DDC: variants seen among roughly 807,000 people sequenced by gnomAD.
The protein encoded by DDC is dopa decarboxylase.
DDC carries 43 observed loss-of-function variants against 60.0 expected under a neutral mutation model. That is an observed-to-expected ratio of 0.72 (90% confidence interval 0.56 to 0.92). DDC has a LOEUF of 0.92. Among genes scored for constraint, DDC ranks in the 40% least tolerant of loss-of-function variants. The pLI is 0.00. For missense variants in DDC, 573 were observed against 620.2 expected, an observed-to-expected ratio of 0.92 and a Z score of 0.81; for synonymous variants, 232 against 234.6, an observed-to-expected ratio of 0.99 and a Z score of 0.10.
chr7:50,487,415 C>T (rs560539468), intron 9 of DDC, among the ~76,000 whole-genome samples: 16 of 152,106 alleles, frequency 1.1e-4, no homozygotes, highest in South Asian at 6.2e-4. Flanking sequence ...TTATAAAACA[C>T]GCGAGGATGT....
Position 50,499,195 on chromosome 7 carries a change from T to C in DDC, c.829A>G (p.Ser277Gly), listed in dbSNP as rs1362729452. The C allele has an allele frequency of 6.2e-7, 1 of 1,614,046 alleles. No homozygotes were observed. The highest frequency in any genetic ancestry group is 8.5e-7 in the Non-Finnish European group (1 of 1,180,004). The part of the protein sequence containing the change: ...WLHVDAAYAG[S>G]AFICPEFRHL... ...CGGAACTCAGGGCAGATGAATGCAC[T>C]GCCTGCGTAGGCTGCATCAACGTGC... The change falls in exon 8 of 15, where the codon AGT (serine) becomes GGT (glycine). Residue 277 changes from serine (S) to glycine (G), a missense_variant. Coordinates refer to ENST00000444124, the MANE Select transcript of DDC (RefSeq NM_001082971.2).
intron 9 of DDC, among the ~76,000 whole-genome samples, chr7:50,485,412 C>A (rs1236923931): frequency 6.6e-6 from 1 of 152,098 alleles, no homozygotes; most frequent in Non-Finnish European, 1.5e-5. Flanking sequence ...AAGAGTACAA[C>A]CAAAGTGTTT....
chr7:50,541,518 T>A (rs972135246), intron 2 of DDC: 2 of 152,154 alleles, frequency 1.3e-5, no homozygotes, highest in South Asian at 4.2e-4. Context: ...GTCCCCTTAA[T>A]AAGATTAGTG....
chr7:50,492,381 G>A (rs578147530), intron 9 of DDC, among the ~76,000 whole-genome samples: 9 of 152,318 alleles, frequency 5.9e-5, no homozygotes, highest in East Asian at 1.9e-4. Flanking sequence ...GTTTTGGAGA[G>A]ATCTGATTTT....
At chr7:50,545,392 A>C (rs2153550931) in intron 1 of DDC, among the ~76,000 whole-genome samples, 1 of 152,378 alleles carries the variant, frequency 6.6e-6, no homozygotes, top group Admixed American at 6.5e-5. Context: ...AGTGAACAAC[A>C]CAAAGAAAAA....
intron 6 of DDC, among the ~76,000 whole-genome samples, chr7:50,516,819 G>T (rs1347746907): frequency 3.3e-5 from 5 of 152,140 alleles, no homozygotes; most frequent in African/African-American, 9.6e-5. Flanking sequence ...ACATAAACTA[G>T]AAAACCCTTA....
intron 14 of DDC, among the ~76,000 whole-genome samples, chr7:50,461,706 C>T (rs1240130684): frequency 6.6e-6 from 1 of 152,250 alleles, no homozygotes; most frequent in Non-Finnish European, 1.5e-5. Context: ...TACAGCGGTA[C>T]TTTCCCTCCC....
At chr7:50,527,210 C>T (rs1057162633) in intron 6 of DDC, among the ~76,000 whole-genome samples, 7 of 152,042 alleles carry the variant, frequency 4.6e-5, no homozygotes, top group Non-Finnish European at 7.4e-5. Context: ...ATTTACTTTA[C>T]GACATACGCT....
Position 50,479,879 on chromosome 7 carries a change from A to G in DDC, c.945-16T>C. 6.2e-7 allele frequency: 1 copy of G among 1,610,346 alleles called. No homozygotes were observed. The highest frequency in any genetic ancestry group is 1.1e-5 in the South Asian group (1 of 90,988). On this transcript the variant is annotated splice_polypyrimidine_tract_variant and intron_variant, in intron 9 of 14. Coordinates refer to ENST00000444124, the MANE Select transcript of DDC (RefSeq NM_001082971.2). ...CTTTTTCACCCTGGTTTTAGAGAACAAATGAAAGGGCTGATAACCAAGTAC... is the reference window on the plus strand; with the variant it reads ...CTTTTTCACCCTGGTTTTAGAGAACGAATGAAAGGGCTGATAACCAAGTAC...
intron 9 of DDC, among the ~76,000 whole-genome samples, chr7:50,488,110 C>T (rs1446639747): frequency 6.6e-6 from 1 of 151,936 alleles, no homozygotes; most frequent in Non-Finnish European, 1.5e-5. Flanking sequence ...AGGGAAATAA[C>T]TTTAAATGAT....
intron 13 of DDC, among the ~76,000 whole-genome samples, chr7:50,465,985 C>G (rs1297323929): frequency 6.6e-6 from 1 of 152,222 alleles, no homozygotes; most frequent in Non-Finnish European, 1.5e-5. Flanking sequence ...GCTCTGCTAC[C>G]TGCAGGCTTT....
In DDC at chr7:50,539,969, C is replaced by T. The variant is rs200437940; in HGVS notation, c.261G>A (p.Pro87=). Residue 87 remains proline (P), a synonymous_variant, in exon 3 of 15, where the codon CCG becomes CCA. Coordinates refer to ENST00000444124, the MANE Select transcript of DDC (RefSeq NM_001082971.2). ...FAYFPTASSY[P]AMLADMLCGA... ...CGCACAGCATGTCCGCAAGCATGGCCGGGTACGAGCTGGCAGTGGGGAAGT... is the reference window on the plus strand; with the variant it reads ...CGCACAGCATGTCCGCAAGCATGGCTGGGTACGAGCTGGCAGTGGGGAAGT... 47 of 1,613,982 alleles carry T rather than the reference C, an allele frequency of 2.9e-5. 1 individual carries two copies. In the East Asian group the frequency reaches 4.0e-4, roughly 14 times the overall value.
At chr7:50,511,884 T>C (rs1403528337) in intron 6 of DDC, among the ~76,000 whole-genome samples, 1 of 151,980 alleles carries the variant, frequency 6.6e-6, no homozygotes, top group East Asian at 1.9e-4. Flanking sequence ...GAAAAGGTAA[T>C]AAATATTGTA....
chr7:50,523,065 G>A (rs1311536461), intron 6 of DDC, among the ~76,000 whole-genome samples: 3 of 152,130 alleles, frequency 2.0e-5, no homozygotes, highest in Admixed American at 2.0e-4. Flanking sequence ...ATTCCACATG[G>A]ATTCGGGTTG....
intron 9 of DDC, among the ~76,000 whole-genome samples, chr7:50,485,739 TTTA>T (rs2042866805): frequency 6.6e-6 from 1 of 152,144 alleles, no homozygotes; most frequent in Non-Finnish European, 1.5e-5. Context: ...TGTCAAAATA[TTTA>T]TTTTTATTTC....
At chr7:50,495,961 G>A (rs1295208609) in intron 8 of DDC, among the ~76,000 whole-genome samples, 1 of 152,116 alleles carries the variant, frequency 6.6e-6, no homozygotes, top group Admixed American at 6.5e-5. Flanking sequence ...GATAAACAGT[G>A]GGAAAGAGGA....
At chr7:50,491,640 A>C (rs1198760973) in intron 9 of DDC, among the ~76,000 whole-genome samples, 1 of 152,224 alleles carries the variant, frequency 6.6e-6, no homozygotes, top group African/African-American at 2.4e-5. Context: ...TTTGTTCCTA[A>C]GCAGAAAGCT....
intron 6 of DDC, among the ~76,000 whole-genome samples, chr7:50,522,436 A>G (rs912748442): frequency 6.6e-6 from 1 of 152,234 alleles, no homozygotes; most frequent in Admixed American, 6.5e-5. Context: ...GCTTATATGA[A>G]GAGGCAAAGG....
intron 1 of DDC, among the ~76,000 whole-genome samples, chr7:50,552,982 G>A (rs931419172): frequency 6.6e-6 from 1 of 152,162 alleles, no homozygotes; most frequent in Non-Finnish European, 1.5e-5. Context: ...TCCATGTTCA[G>A]CACTTGACTA....
Sources: allele counts gnomAD v4.1 joint callset (sites outside exome capture counted in the v4.1 genomes callset), GRCh38; gene constraint gnomAD v4.1.1; transcripts MANE v1.5; gene names NCBI Gene and HGNC (gene_info 2026-07-23, HGNC 2026-07-21).